CGGBP1: variants seen among roughly 807,000 people sequenced by gnomAD.
The protein encoded by CGGBP1 is CGG triplet repeat-binding protein 1.
A neutral mutation model predicts 11.4 loss-of-function variants in CGGBP1; 4 were observed. The observed-to-expected ratio is 0.35, with a 90% CI of 0.17 to 0.80. CGGBP1 has a LOEUF of 0.80. Ranked by LOEUF, CGGBP1 falls within the 30% of genes least tolerant of loss-of-function variation. The pLI, the probability that CGGBP1 is intolerant of heterozygous loss-of-function variation, is 0.52. For synonymous variants in CGGBP1, 76 were observed against 74.1 expected (o/e 1.03, Z -0.13); for missense variants, 135 against 202.1 (o/e 0.67, Z 2.01).
intron 2 of CGGBP1, among the ~76,000 whole-genome samples, chr3:88,076,477 TAAGG>T (rs1707808268): frequency 6.6e-6 from 1 of 152,220 alleles, no homozygotes; most frequent in African/African-American, 2.4e-5. Flanking sequence ...CTTTTATTCC[TAAGG>T]AAGTCCCTCT....
intron 1 of CGGBP1, among the ~76,000 whole-genome samples, chr3:88,141,469 TAGA>T (rs1407755185): frequency 7.2e-5 from 11 of 152,026 alleles, no homozygotes; most frequent in East Asian, 1.9e-4. Context: ...GTTACAAAAA[TAGA>T]AGGAGAAAAA....
intron 2 of CGGBP1, among the ~76,000 whole-genome samples, chr3:88,088,459 A>G (rs1708450184): frequency 6.6e-6 from 1 of 152,222 alleles, no homozygotes; most frequent in Non-Finnish European, 1.5e-5. Context: ...TAAAAACATC[A>G]GTATCACGCT....
intron 2 of CGGBP1, among the ~76,000 whole-genome samples, chr3:88,091,849 C>T (rs1244071630): frequency 6.6e-6 from 1 of 152,188 alleles, no homozygotes; most frequent in Non-Finnish European, 1.5e-5. Context: ...GAGGCCTCCT[C>T]AGCCATGTAG....
intron 2 of CGGBP1, among the ~76,000 whole-genome samples, chr3:88,075,706 G>A (rs1404831200): frequency 6.6e-6 from 1 of 151,988 alleles, no homozygotes; most frequent in African/African-American, 2.4e-5. Flanking sequence ...TGGTTTTTGT[G>A]TTTGTTTACA....
intron 2 of CGGBP1, among the ~76,000 whole-genome samples, chr3:88,101,178 G>T (rs1290978708): frequency 6.6e-6 from 1 of 152,026 alleles, no homozygotes; most frequent in Non-Finnish European, 1.5e-5. Flanking sequence ...ATAATTCAGT[G>T]ATTTTTTGGT....
chr3:88,079,512 A>T (rs1156506690), intron 2 of CGGBP1, among the ~76,000 whole-genome samples: 1 of 152,046 alleles, frequency 6.6e-6, no homozygotes, highest in East Asian at 1.9e-4. Flanking sequence ...TTTGTTTCAT[A>T]ATGAAGAATT....
At chr3:88,100,104 C>T (rs1704318812) in intron 2 of CGGBP1, among the ~76,000 whole-genome samples, 1 of 152,166 alleles carries the variant, frequency 6.6e-6, no homozygotes, top group African/African-American at 2.4e-5. Flanking sequence ...CCAGAATCTA[C>T]AAAGAACTTA....
chr3:88,103,466 A>T (rs1467203020), intron 2 of CGGBP1, among the ~76,000 whole-genome samples: 2 of 152,218 alleles, frequency 1.3e-5, no homozygotes, highest in Admixed American at 1.3e-4. Flanking sequence ...AACAGAACAG[A>T]GTGTCTAAGA....
At chr3:88,085,147 A>C (rs1259669200) in intron 2 of CGGBP1, among the ~76,000 whole-genome samples, 1 of 152,214 alleles carries the variant, frequency 6.6e-6, no homozygotes, top group Non-Finnish European at 1.5e-5. Flanking sequence ...TTAGTGTGAA[A>C]AGTCTTTTGG....
chr3:88,059,617 A>G (rs556857667), upstream of CGGBP1: 5 of 1,118,324 alleles, frequency 4.5e-6, no homozygotes, highest in African/African-American at 1.7e-5. Flanking sequence ...CTCCTCCCCA[A>G]CAAGGAGGGT....
chr3:88,146,588 C>T (rs907721886), intron 1 of CGGBP1, among the ~76,000 whole-genome samples: 1 of 152,120 alleles, frequency 6.6e-6, no homozygotes, highest in African/African-American at 2.4e-5. Context: ...TTATACATCC[C>T]ATTGATACAG....
chr3:88,143,295 T>C (rs1427037187), intron 1 of CGGBP1: 1 of 152,228 alleles, frequency 6.6e-6, no homozygotes, highest in Non-Finnish European at 1.5e-5. Flanking sequence ...TGGTCATAAG[T>C]CCATTCCAAA....
intron 2 of CGGBP1, among the ~76,000 whole-genome samples, chr3:88,125,592 C>CT (rs1233329439): frequency 6.6e-6 from 1 of 152,116 alleles, no homozygotes; most frequent in Non-Finnish European, 1.5e-5. Flanking sequence ...AACTGCAAAT[C>CT]TAATTATCCA....
intron 1 of CGGBP1, among the ~76,000 whole-genome samples, chr3:88,148,233 T>G (rs1707344204): frequency 6.6e-6 from 1 of 152,208 alleles, no homozygotes; most frequent in Non-Finnish European, 1.5e-5. Context: ...ACTATATAGT[T>G]TCTTACATGT....
chr3:88,069,756 A>G (rs1295357748), intron 2 of CGGBP1, among the ~76,000 whole-genome samples: 1 of 152,202 alleles, frequency 6.6e-6, no homozygotes, highest in Non-Finnish European at 1.5e-5. Flanking sequence ...TATTACACAA[A>G]TTATAGCAGT....
rs1257934947 is a variant in CGGBP1 at position 88,141,521 on chromosome 3, C to T, written c.-337-443G>A. The T allele has an allele frequency of 6.6e-6, 4 of 603,250 alleles. No homozygotes were observed. The Admixed American group carries it at 1.6e-4, about 24-fold the overall frequency. 37.4% of individuals were successfully genotyped at this position (603,250 alleles called of 1,614,324 possible). On this transcript the variant is annotated intron_variant, in intron 1 of 3. Transcript: ENST00000462901. ...TTGAGAAACAAAATCAGAAAAAGAGCTTGTCTGTCTACTAATATCAATATC... is the reference window on the plus strand; with the variant it reads ...TTGAGAAACAAAATCAGAAAAAGAGTTTGTCTGTCTACTAATATCAATATC...
At chr3:88,117,080 C>T (rs925651562) in intron 2 of CGGBP1, among the ~76,000 whole-genome samples, 7 of 152,014 alleles carry the variant, frequency 4.6e-5, no homozygotes, top group African/African-American at 7.2e-5. Flanking sequence ...AAAGAAGGGA[C>T]AACCCGAAAG....
At chr3:88,101,824 C>G (rs1233966808) in intron 2 of CGGBP1, among the ~76,000 whole-genome samples, 2 of 152,066 alleles carry the variant, frequency 1.3e-5, no homozygotes, top group Non-Finnish European at 2.9e-5. Flanking sequence ...TTCACTAATA[C>G]TTTTTATCTT....
chr3:88,063,956 C>A (rs138257771), upstream of CGGBP1, among the ~76,000 whole-genome samples: 811 of 152,254 alleles, frequency 5.3e-3, 4 homozygotes, highest in African/African-American at 0.017. Context: ...CTAAATCCTA[C>A]TTAATGACCC....
Sources: gnomAD v4.1 joint callset for allele counts (sites outside exome capture counted in the v4.1 genomes callset) on GRCh38, gnomAD v4.1.1 for gene constraint, MANE v1.5 for transcripts, NCBI Gene and HGNC (gene_info 2026-07-23, HGNC 2026-07-21) for gene names.